Variants in MEIKIN observed in about 807,000 individuals in gnomAD.
The protein encoded by MEIKIN is meiosis-specific kinetochore protein.
chr5:131,821,422 T>C (rs1302417276), intron 11 of MEIKIN, among the ~76,000 whole-genome samples: 1 of 152,166 alleles, frequency 6.6e-6, no homozygotes, highest in Non-Finnish European at 1.5e-5. Context: ...ACACATGGCC[T>C]GTCCTTTGAG....
At chr5:131,903,296 G>T (rs1221961485) in intron 8 of MEIKIN, among the ~76,000 whole-genome samples, 1 of 151,994 alleles carries the variant, frequency 6.6e-6, no homozygotes, top group African/African-American at 2.4e-5. Context: ...AGGACAAGCA[G>T]AAAACCCCTG....
chr5:131,924,781 G>A (rs1240898098), intron 5 of MEIKIN, among the ~76,000 whole-genome samples: 1 of 151,942 alleles, frequency 6.6e-6, no homozygotes, highest in African/African-American at 2.4e-5. Flanking sequence ...CATTTTGGTA[G>A]GTTATCTCTT....
At chr5:131,926,397 T>TAA (rs2149649773) in intron 5 of MEIKIN, among the ~76,000 whole-genome samples, 1 of 152,326 alleles carries the variant, frequency 6.6e-6, no homozygotes, top group South Asian at 2.1e-4. Flanking sequence ...CACCTGGTCA[T>TAA]GGTGTATGAT....
chr5:131,898,976 T>C (rs775772801), intron 8 of MEIKIN, among the ~76,000 whole-genome samples: 79 of 152,264 alleles, frequency 5.2e-4, no homozygotes, highest in Middle Eastern at 3.4e-3. Context: ...GGTACTTCAG[T>C]TGGAAATGCA....
At chr5:131,825,837 G>A (rs1390882307) in intron 11 of MEIKIN, among the ~76,000 whole-genome samples, 1 of 152,132 alleles carries the variant, frequency 6.6e-6, no homozygotes, top group Non-Finnish European at 1.5e-5. Flanking sequence ...ACCCTTTCCT[G>A]CATACATACA....
intron 9 of MEIKIN, among the ~76,000 whole-genome samples, chr5:131,873,090 C>T (rs4705905): frequency 6.6e-6 from 1 of 151,492 alleles, no homozygotes; most frequent in Non-Finnish European, 1.5e-5. Context: ...ACTGCATCAA[C>T]TAACGAGCAA....
chr5:131,900,509 G>A (rs1751138793), intron 8 of MEIKIN, among the ~76,000 whole-genome samples: 1 of 152,058 alleles, frequency 6.6e-6, no homozygotes, highest in African/African-American at 2.4e-5. Context: ...TGTAGGGGCA[G>A]AACTCCAGCT....
chr5:131,941,338 T>C (rs1305232382), intron 4 of MEIKIN, among the ~76,000 whole-genome samples: 1 of 151,656 alleles, frequency 6.6e-6, no homozygotes. Context: ...TTTGTATTTT[T>C]AGTAGAGACG....
intron 6 of MEIKIN, among the ~76,000 whole-genome samples, chr5:131,918,583 G>C (rs1751451793): frequency 6.6e-6 from 1 of 152,066 alleles, no homozygotes. Context: ...TCTAATAGGT[G>C]GGCTGACAAT....
chr5:131,891,711 T>C, intron 8 of MEIKIN, among the ~76,000 whole-genome samples: 1 of 152,220 alleles, frequency 6.6e-6, no homozygotes. Context: ...TTTAGCCCAT[T>C]TACATTTAAG....
chr5:131,899,560 A>C (rs1368299922), intron 8 of MEIKIN, among the ~76,000 whole-genome samples: 1 of 151,656 alleles, frequency 6.6e-6, no homozygotes, highest in Non-Finnish European at 1.5e-5. Context: ...AAAAAAAAAA[A>C]ACAAGACCCA....
In MEIKIN at chr5:131,917,986, G is replaced by A. The variant is rs143338507; in HGVS notation, c.599-1061C>T. Reference sequence around the variant, plus strand: ...CATAGCCTATAACTCAATGCTGTGAGAGCCCTGCATCTCGCTGGACAAAGT... The same window carrying A: ...CATAGCCTATAACTCAATGCTGTGAAAGCCCTGCATCTCGCTGGACAAAGT... On this transcript the variant is annotated intron_variant, in intron 6 of 12. Coordinates refer to ENST00000442687, the MANE Select transcript of MEIKIN (RefSeq NM_001303622.2). 4.4e-3 allele frequency among the ~76,000 whole-genome samples: 671 copies of A among 152,216 alleles called. 12 individuals are homozygous for A. Among genetic ancestry groups the A allele is most frequent in the African/African-American group, 0.016 (653 of 41,538 alleles).
intron 6 of MEIKIN, among the ~76,000 whole-genome samples, chr5:131,919,012 T>C (rs1345339816): frequency 1.3e-5 from 2 of 152,116 alleles, no homozygotes; most frequent in African/African-American, 4.8e-5. Context: ...TGACAAAACA[T>C]ACCATGAACA....
At chr5:131,881,407 G>A (rs985439067) in intron 8 of MEIKIN, among the ~76,000 whole-genome samples, 7 of 151,816 alleles carry the variant, frequency 4.6e-5, no homozygotes, top group South Asian at 2.1e-4. Flanking sequence ...TTTTTTTGCC[G>A]GATATTTCTC....
rs1451438046 is a variant in MEIKIN at position 131,914,438 on chromosome 5, GGACA to G, written c.638+2444_638+2447del. Among the ~76,000 whole-genome samples, 408 of 145,528 alleles carry G rather than the reference GGACA, an allele frequency of 2.8e-3. 3 individuals carry two copies. Among genetic ancestry groups the G allele is most frequent in the African/African-American group, 9.9e-3 (389 of 39,442 alleles). On this transcript the variant is annotated intron_variant, in intron 7 of 12. Transcript: ENST00000442687. ...AAAGAAGGAAGGAAGGAAGAAGGAT[GGACA>G]GACAGATGGAAGGAAGGGGAGAGAG...
chr5:131,887,630 G>A (rs1750824550), intron 8 of MEIKIN, among the ~76,000 whole-genome samples: 1 of 151,872 alleles, frequency 6.6e-6, no homozygotes, highest in Non-Finnish European at 1.5e-5. Flanking sequence ...TTGCATAAAG[G>A]TCTTCTTTTG....
In MEIKIN at chr5:131,838,400, AT is replaced by A. The variant is rs578129501; in HGVS notation, c.975+12863del. On this transcript the variant is annotated intron_variant, in intron 11 of 12. Transcript: ENST00000442687. ...GTTAGAGGGGAGTCCCTCATTTTCA[AT>A]TTTTTTTAATAGTTTAAATAGAAAT... Among the ~76,000 whole-genome samples, 14 of 151,910 alleles carry A rather than the reference AT, an allele frequency of 9.2e-5. 1 individual carries two copies. In the East Asian group the frequency reaches 1.7e-3, roughly 19 times the overall value.
In MEIKIN at chr5:131,919,417, A is replaced by G. The variant is rs184994693; in HGVS notation, c.598+2405T>C. 4.8e-3 allele frequency among the ~76,000 whole-genome samples: 731 copies of G among 152,342 alleles called. 5 individuals carry two copies. The highest frequency in any genetic ancestry group is 0.017 in the African/African-American group (693 of 41,582). Reference sequence around the variant, plus strand: ...CACACTGCCAATAACATGAAAATATATATCATAGGTTTATTCATTGCAGTA... The same window carrying G: ...CACACTGCCAATAACATGAAAATATGTATCATAGGTTTATTCATTGCAGTA... On this transcript the variant is annotated intron_variant, in intron 6 of 12. Transcript: ENST00000442687.
chr5:131,868,456 T>C (rs922354415), intron 9 of MEIKIN, among the ~76,000 whole-genome samples: 2 of 152,224 alleles, frequency 1.3e-5, no homozygotes, highest in Non-Finnish European at 2.9e-5. Flanking sequence ...TCATAAACTA[T>C]TGCCTTTTGT....
Sources: allele counts gnomAD v4.1 joint callset (sites outside exome capture counted in the v4.1 genomes callset), GRCh38; gene constraint gnomAD v4.1.1; transcripts MANE v1.5; gene names NCBI Gene and HGNC (gene_info 2026-07-23, HGNC 2026-07-21).